Variants in FGF10 observed in about 807,000 individuals in gnomAD.
FGF10 encodes the protein fibroblast growth factor 10.
In FGF10, 2 loss-of-function variants were observed where a neutral mutation model predicts 19.8. That is an observed-to-expected ratio of 0.10 (90% confidence interval 0.04 to 0.32). FGF10 has a LOEUF of 0.32. Ranked by LOEUF, FGF10 falls within the 10% of genes least tolerant of loss-of-function variation. The pLI is 1.00. For missense variants in FGF10, 191 were observed against 246.3 expected (o/e 0.78, Z 1.50); for synonymous variants, 112 against 94.0 (o/e 1.19, Z -1.10).
intron 1 of FGF10, among the ~76,000 whole-genome samples, chr5:44,346,672 C>T (rs570644105): frequency 1.1e-3 from 167 of 151,954 alleles, no homozygotes; most frequent in African/African-American, 4.0e-3. Context: ...GGTCTCAGTA[C>T]ATCGCCTCAT....
At position 44,302,319 on chromosome 5, in the gene FGF10, CTTCCTTCCTTCCT is replaced by C. The variant is rs1192609407; in HGVS notation, c.*2663_*2675del. ...CCTTCCTTCCTTCCTTCCTTCCTTC[CTTCCTTCCTTCCT>C]GTCTTTCTGTCTTTTCTCTCTTTCT... On this transcript the variant is annotated 3_prime_UTR_variant, in exon 3 of 3. Coordinates refer to ENST00000264664, the MANE Select transcript of FGF10 (RefSeq NM_004465.2). Among the ~76,000 whole-genome samples, 2 of 142,414 alleles carry C rather than the reference CTTCCTTCCTTCCT, an allele frequency of 1.4e-5. No individual in the cohort carries two copies. The highest frequency in any genetic ancestry group is 5.3e-5 in the African/African-American group (2 of 38,094). The allele number at this position is 142,414 out of a possible 152,430, so 93.4% of individuals were successfully genotyped here.
chr5:44,324,244 A>G (rs958190304), intron 1 of FGF10, among the ~76,000 whole-genome samples: 2 of 152,158 alleles, frequency 1.3e-5, no homozygotes, highest in African/African-American at 4.8e-5. Context: ...ACTGAAAAAA[A>G]AGAAAATTAT....
chr5:44,320,193 T>G (rs886632783), intron 1 of FGF10, among the ~76,000 whole-genome samples: 1 of 152,200 alleles, frequency 6.6e-6, no homozygotes, highest in Non-Finnish European at 1.5e-5. Flanking sequence ...CAGATTTGAC[T>G]GCACAGAGAC....
chr5:44,307,573 T>G (rs1174586803), intron 2 of FGF10, among the ~76,000 whole-genome samples: 1 of 152,172 alleles, frequency 6.6e-6, no homozygotes, highest in African/African-American at 2.4e-5. Context: ...AGGAAGATAA[T>G]TCAAGAGAAT....
intron 1 of FGF10, among the ~76,000 whole-genome samples, chr5:44,335,846 T>C (rs1030770371): frequency 5.3e-5 from 8 of 152,206 alleles, no homozygotes; most frequent in African/African-American, 1.9e-4. Context: ...CATATAAACA[T>C]TCATATTATT....
chr5:44,326,339 A>G (rs1485044486), intron 1 of FGF10, among the ~76,000 whole-genome samples: 1 of 152,184 alleles, frequency 6.6e-6, no homozygotes, highest in Non-Finnish European at 1.5e-5. Context: ...ATTGAGAAGT[A>G]TGATGAAGAG....
At chr5:44,365,312 C>T (rs73752011) in intron 1 of FGF10, among the ~76,000 whole-genome samples, 2,669 of 140,950 alleles carry the variant, frequency 0.019, 78 homozygotes, top group African/African-American at 0.065. Context: ...CTCCTCATGT[C>T]TCTTTTCTGG....
chr5:44,358,599 T>C (rs1048694813), intron 1 of FGF10, among the ~76,000 whole-genome samples: 2 of 151,536 alleles, frequency 1.3e-5, no homozygotes, highest in Admixed American at 6.6e-5. Flanking sequence ...TGTCAACTGA[T>C]GTGGATTGTA....
At chr5:44,333,855 C>T (rs1028790264) in intron 1 of FGF10, among the ~76,000 whole-genome samples, 8 of 151,974 alleles carry the variant, frequency 5.3e-5, no homozygotes, top group African/African-American at 1.2e-4. Flanking sequence ...CATTTTTATT[C>T]GATCTGTGAG....
intron 1 of FGF10, among the ~76,000 whole-genome samples, chr5:44,386,009 CCA>C (rs1742089163): frequency 6.6e-6 from 1 of 152,040 alleles, no homozygotes; most frequent in Non-Finnish European, 1.5e-5. Context: ...GATTGCATTA[CCA>C]TATAAGATAT....
At chr5:44,378,740 T>C (rs895362156) in intron 1 of FGF10, among the ~76,000 whole-genome samples, 75 of 152,196 alleles carry the variant, frequency 4.9e-4, no homozygotes, top group Admixed American at 1.0e-3. Context: ...GATATTTCCC[T>C]TTTTAAACAA....
chr5:44,340,846 A>C (rs928948909), intron 1 of FGF10, among the ~76,000 whole-genome samples: 3 of 151,840 alleles, frequency 2.0e-5, no homozygotes, highest in African/African-American at 7.2e-5. Flanking sequence ...AAAAAAAAGA[A>C]AAAAGAATTG....
intron 1 of FGF10, among the ~76,000 whole-genome samples, chr5:44,346,326 C>G (rs974154181): frequency 9.2e-5 from 14 of 151,536 alleles, no homozygotes; most frequent in African/African-American, 3.4e-4. Flanking sequence ...TCCCAGTCCC[C>G]AAAATAAAGT....
At chr5:44,330,967 T>C (rs1740723093) in intron 1 of FGF10, among the ~76,000 whole-genome samples, 1 of 152,172 alleles carries the variant, frequency 6.6e-6, no homozygotes, top group African/African-American at 2.4e-5. Context: ...GCATTCATAT[T>C]CTTAATAATT....
At chr5:44,319,004 C>T (rs576763043) in intron 1 of FGF10, among the ~76,000 whole-genome samples, 16 of 152,260 alleles carry the variant, frequency 1.1e-4, no homozygotes, top group South Asian at 2.1e-4. Flanking sequence ...AATTCTCTTT[C>T]GTAATAGATG....
intron 1 of FGF10, among the ~76,000 whole-genome samples, chr5:44,337,865 C>T (rs1227253455): frequency 2.0e-5 from 3 of 151,956 alleles, no homozygotes; most frequent in East Asian, 3.9e-4. Context: ...CACTTGAACC[C>T]GGGAGGTGGA....
At position 44,304,167 on chromosome 5, in the gene FGF10, A is replaced by G. The variant is rs980483375; in HGVS notation, c.*828T>C. 3.9e-5 allele frequency: 6 copies of G among 152,174 alleles called. No homozygotes were observed. Among genetic ancestry groups the G allele is most frequent in the Non-Finnish European group, 8.8e-5 (6 of 68,026 alleles). 9.4% of individuals were successfully genotyped at this position (152,174 alleles called of 1,614,324 possible). On this transcript the variant is annotated 3_prime_UTR_variant, in exon 3 of 3. Coordinates refer to ENST00000264664, the MANE Select transcript of FGF10 (RefSeq NM_004465.2). ...GTTATTACTGCAGAAGTGCAAATTAAGTCAACTGATAGCACACGGGCACTC... is the reference window on the plus strand; with the variant it reads ...GTTATTACTGCAGAAGTGCAAATTAGGTCAACTGATAGCACACGGGCACTC...
At chr5:44,370,215 C>T (rs952875492) in intron 1 of FGF10, among the ~76,000 whole-genome samples, 9 of 152,074 alleles carry the variant, frequency 5.9e-5, no homozygotes, top group Non-Finnish European at 1.3e-4. Flanking sequence ...TTTCTAAATG[C>T]TCATTAGAAA....
intron 1 of FGF10, among the ~76,000 whole-genome samples, chr5:44,354,426 C>T (rs897568306): frequency 3.3e-5 from 5 of 151,486 alleles, no homozygotes; most frequent in Non-Finnish European, 7.4e-5. Flanking sequence ...TCTTCCCTGT[C>T]TCTACAACTA....
Sources: gnomAD v4.1 joint callset for allele counts (sites outside exome capture counted in the v4.1 genomes callset) on GRCh38, gnomAD v4.1.1 for gene constraint, MANE v1.5 for transcripts, NCBI Gene and HGNC (gene_info 2026-07-23, HGNC 2026-07-21) for gene names.